The following CNRIP1 variants were observed in gnomAD, a reference collection of about 807,000 sequenced individuals.
The protein encoded by CNRIP1 is CB1 cannabinoid receptor-interacting protein 1.
A neutral mutation model predicts 15.2 loss-of-function variants in CNRIP1; 10 were observed. The observed-to-expected ratio is 0.66, with a 90% confidence interval of 0.41 to 1.12. The LOEUF (loss-of-function observed/expected upper bound fraction) is 1.12. CNRIP1 is among the 50% of genes most tolerant of loss of function. CNRIP1 has a pLI of 0.00. For synonymous variants in CNRIP1, 91 were observed against 83.2 expected (o/e 1.09, Z -0.51); for missense variants, 211 against 214.7 (o/e 0.98, Z 0.11).
chr2:68,284,564 C>G (rs1412144857), intron 2 of CNRIP1: 2 of 911,536 alleles, frequency 2.2e-6, no homozygotes, highest in Non-Finnish European at 3.3e-6. Flanking sequence ...GTAATCCCAG[C>G]ACTTTGGGAG....
At chr2:68,317,918 G>A in intron 1 of CNRIP1, among the ~76,000 whole-genome samples, 1 of 151,514 alleles carries the variant, frequency 6.6e-6, no homozygotes, top group Non-Finnish European at 1.5e-5. Flanking sequence ...TTAGAGTTGA[G>A]AAATCCTTGA....
In CNRIP1 at chr2:68,304,229, GAA is replaced by G. The variant is rs11315317; in HGVS notation, c.331-10205_331-10204del. Among the ~76,000 whole-genome samples, 74 of 140,200 alleles carry G rather than the reference GAA, an allele frequency of 5.3e-4. No homozygotes were observed. The East Asian group carries it at 5.8e-3, about 11-fold the overall frequency. 92.0% of individuals were successfully genotyped at this position (140,200 alleles called of 152,430 possible). On this transcript the variant is annotated intron_variant, in intron 2 of 2. Coordinates refer to ENST00000263655, the MANE Select transcript of CNRIP1 (RefSeq NM_015463.3). ...CATGGTGAAAACCCTGTCTCTACTT[GAA>G]AAAAAAAAAAAATACAAAAATTAGA...
intron 1 of CNRIP1, among the ~76,000 whole-genome samples, chr2:68,317,714 T>C (rs553340861): frequency 5.9e-5 from 9 of 152,314 alleles, no homozygotes; most frequent in Non-Finnish European, 1.3e-4. Context: ...GCATCATTCT[T>C]TTGTGTTAGG....
At chr2:68,299,235 G>GT (rs139043175) in intron 2 of CNRIP1, among the ~76,000 whole-genome samples, 4,669 of 151,610 alleles carry the variant, frequency 0.031, 231 homozygotes, top group African/African-American at 0.11. Flanking sequence ...ATAGTGGACA[G>GT]TTTTTTTTTC....
Position 68,319,596 on chromosome 2 carries a change from G to A in CNRIP1, c.-196C>T, listed in dbSNP as rs1672421848. 2 of 533,470 alleles carry A rather than the reference G, an allele frequency of 3.7e-6. No homozygotes were observed. The highest frequency in any genetic ancestry group is 3.5e-5 in the East Asian group (1 of 28,946). The allele number at this position is 533,470 out of a possible 1,614,324, so 33.0% of individuals were successfully genotyped here. A position where few individuals can be genotyped will look rare whatever the true frequency, so the allele number is the denominator to read the frequency against. Reference sequence around the variant, plus strand: ...TTGAGGAGCAGCTCCTTAGGCTGTGGCCCCCCTCCCCACTCGGCGAGGAAG... The same window carrying A: ...TTGAGGAGCAGCTCCTTAGGCTGTGACCCCCCTCCCCACTCGGCGAGGAAG... On this transcript the variant is annotated 5_prime_UTR_variant, in exon 1 of 3. Coordinates refer to ENST00000263655, the MANE Select transcript of CNRIP1 (RefSeq NM_015463.3).
At chr2:68,297,825 C>T (rs933316077) in intron 2 of CNRIP1, among the ~76,000 whole-genome samples, 1 of 151,834 alleles carries the variant, frequency 6.6e-6, no homozygotes, top group Non-Finnish European at 1.5e-5. Flanking sequence ...CAAGGAAATG[C>T]TTAGAACAAT....
intron 2 of CNRIP1, among the ~76,000 whole-genome samples, chr2:68,300,489 T>C (rs1474676354): frequency 1.3e-5 from 2 of 151,994 alleles, no homozygotes; most frequent in South Asian, 2.1e-4. Flanking sequence ...TGGTGGTGGG[T>C]GCCTGTAATC....
chr2:68,300,874 T>C (rs927398274), intron 2 of CNRIP1, among the ~76,000 whole-genome samples: 2 of 152,200 alleles, frequency 1.3e-5, no homozygotes, highest in African/African-American at 4.8e-5. Context: ...AAGTTCTTCC[T>C]TGAAAGACAC....
In CNRIP1 at chr2:68,293,317, G is replaced by A; in HGVS notation, c.*545C>T. On this transcript the variant is annotated 3_prime_UTR_variant, in exon 3 of 3. Transcript: ENST00000263655. ...TTTGTTACCATCCTTCCCTGAAAGAGCGGAGCTGTTTATAGGAAGCACAAC... is the reference window on the plus strand; with the variant it reads ...TTTGTTACCATCCTTCCCTGAAAGAACGGAGCTGTTTATAGGAAGCACAAC... 1 of 985,994 alleles carries A rather than the reference G, an allele frequency of 1.0e-6. No homozygotes were observed. The highest frequency in any genetic ancestry group is 1.2e-6 in the Non-Finnish European group (1 of 830,322). 61.1% of individuals were successfully genotyped at this position (985,994 alleles called of 1,614,324 possible).
In CNRIP1 at chr2:68,319,459, C is replaced by G; in HGVS notation, c.-59G>C. The G allele has an allele frequency of 2.1e-6, 3 of 1,434,384 alleles. No homozygotes were observed. The highest frequency in any genetic ancestry group is 1.4e-5 in the South Asian group (1 of 70,632). The allele number at this position is 1,434,384 out of a possible 1,614,324, so 88.9% of individuals were successfully genotyped here. A position where few individuals can be genotyped will look rare whatever the true frequency, so the allele number is the denominator to read the frequency against. ...GGGCGGAGGACAGCGCCGGCTGCGG[C>G]CGAGTGGCTGGAGCGCGAGGGGCGG... On this transcript the variant is annotated 5_prime_UTR_variant, in exon 1 of 3. Transcript: ENST00000263655.
At chr2:68,304,074 A>C (rs1838197) in intron 2 of CNRIP1, among the ~76,000 whole-genome samples, 89,096 of 144,168 alleles carry the variant, frequency 0.62, 27,394 homozygotes, top group African/African-American at 0.78. Context: ...AAGACTGTCT[A>C]AAAACAAACA....
chr2:68,305,808 A>C (rs74408159), intron 2 of CNRIP1, among the ~76,000 whole-genome samples: 5,719 of 143,896 alleles, frequency 0.04, 414 homozygotes, highest in African/African-American at 0.14. Context: ...AAAAAAAAAA[A>C]ACACACACAC....
intron 2 of CNRIP1, 48 bp downstream of exon 2, chr2:68,317,109 T>C: frequency 6.2e-7 from 1 of 1,610,490 alleles, no homozygotes; most frequent in Non-Finnish European, 8.5e-7. Flanking sequence ...TTTCTGTGGT[T>C]TCCATTTTCC....
rs113498852 is a variant in CNRIP1 at position 68,317,453 on chromosome 2, G to A, written c.180-146C>T. ...GGGAGAAAGTTCTGCAAGTTCAGGG[G>A]GCAGTGCTTCTCCTATTTATGAATT... On this transcript the variant is annotated intron_variant, in intron 1 of 2. Coordinates refer to ENST00000263655, the MANE Select transcript of CNRIP1 (RefSeq NM_015463.3). 2,313 of 771,528 alleles carry A rather than the reference G, an allele frequency of 3.0e-3. 32 individuals carry two copies. The African/African-American group carries it at 0.035, about 12-fold the overall frequency. 47.8% of individuals were successfully genotyped at this position (771,528 alleles called of 1,614,324 possible).
chr2:68,298,467 C>A (rs1671470116), intron 2 of CNRIP1, among the ~76,000 whole-genome samples: 1 of 152,000 alleles, frequency 6.6e-6, no homozygotes, highest in African/African-American at 2.4e-5. Flanking sequence ...AAAAAGCCCA[C>A]CAAGCTGATT....
chr2:68,293,769 A>G lies in CNRIP1; in HGVS notation c.*93T>C. Reference sequence around the variant, plus strand: ...TCATTAGTACCAGATGGGGAACAGCAATGGTGTGGCATGCCTTGTTTAAGG... The same window carrying G: ...TCATTAGTACCAGATGGGGAACAGCGATGGTGTGGCATGCCTTGTTTAAGG... On this transcript the variant is annotated 3_prime_UTR_variant, in exon 3 of 3. Transcript: ENST00000263655. 1 of 1,532,138 alleles carries G rather than the reference A, an allele frequency of 6.5e-7. No homozygotes were observed. Among genetic ancestry groups the G allele is most frequent in the Non-Finnish European group, 8.8e-7 (1 of 1,137,070 alleles). 94.9% of individuals were successfully genotyped at this position (1,532,138 alleles called of 1,614,324 possible). A position where few individuals can be genotyped will look rare whatever the true frequency, so the allele number is the denominator to read the frequency against.
At chr2:68,302,151 A>G (rs2103644719) in intron 2 of CNRIP1, among the ~76,000 whole-genome samples, 1 of 152,168 alleles carries the variant, frequency 6.6e-6, no homozygotes, top group South Asian at 2.1e-4. Flanking sequence ...TAAATTGCCT[A>G]TTTATATCTT....
At chr2:68,295,224 C>T (rs779822771) in intron 2 of CNRIP1, among the ~76,000 whole-genome samples, 1 of 152,174 alleles carries the variant, frequency 6.6e-6, no homozygotes, top group Non-Finnish European at 1.5e-5. Flanking sequence ...CTTGCTGATA[C>T]AGGAGGAGGG....
intron 2 of CNRIP1, among the ~76,000 whole-genome samples, chr2:68,286,466 T>C (rs1044593414): frequency 1.3e-5 from 2 of 152,182 alleles, no homozygotes; most frequent in African/African-American, 4.8e-5. Flanking sequence ...TTAAAATATA[T>C]GTTTTGTCAA....
Sources: gnomAD v4.1 joint callset for allele counts (sites outside exome capture counted in the v4.1 genomes callset) on GRCh38, gnomAD v4.1.1 for gene constraint, MANE v1.5 for transcripts, NCBI Gene and HGNC (gene_info 2026-07-23, HGNC 2026-07-21) for gene names.